The following BRD4 variants were observed in gnomAD, a reference collection of about 807,000 sequenced individuals.
BRD4 encodes bromodomain containing 4.
Under a neutral mutation model 142.1 loss-of-function variants are expected in BRD4, and 16 were observed. The ratio of observed to expected loss-of-function variants is 0.11; its 90% confidence interval spans 0.08 to 0.17. The LOEUF (loss-of-function observed/expected upper bound fraction) is 0.17. BRD4 is among the 10% of genes least tolerant of loss of function. The pLI is 1.00. For missense variants in BRD4, 1,424 were observed against 1,810.9 expected (o/e 0.79, Z 3.88); for synonymous variants, 833 against 707.5 (o/e 1.18, Z -2.82).
intron 1 of BRD4, among the ~76,000 whole-genome samples, chr19:15,297,121 CG>C (rs1428911395): frequency 6.6e-6 from 1 of 152,184 alleles, no homozygotes; most frequent in Admixed American, 6.5e-5. Context: ...AACAGATAGA[CG>C]TTTAAAAGTT....
intron 1 of BRD4, among the ~76,000 whole-genome samples, chr19:15,304,060 T>C (rs2047893396): frequency 6.6e-6 from 1 of 152,114 alleles, no homozygotes; most frequent in Non-Finnish European, 1.5e-5. Context: ...CAGTGAAGGA[T>C]TACCTTCATT....
At chr19:15,267,586 C>T (rs753928876) in intron 3 of BRD4, 35 bp from the exon 4 acceptor site, 4 of 1,603,822 alleles carry the variant, frequency 2.5e-6, no homozygotes, top group South Asian at 2.2e-5. Context: ...AGTCAGAGGG[C>T]CCTCCCCTCC....
chr19:15,318,782 G>T (rs899546998), intron 1 of BRD4, among the ~76,000 whole-genome samples: 1 of 151,920 alleles, frequency 6.6e-6, no homozygotes, highest in African/African-American at 2.4e-5. Flanking sequence ...TCAGTGTAGA[G>T]CCCTAGTTCC....
At chr19:15,310,420 G>A (rs1227122417) in intron 1 of BRD4, among the ~76,000 whole-genome samples, 1 of 136,064 alleles carries the variant, frequency 7.3e-6, no homozygotes, top group African/African-American at 2.8e-5. Flanking sequence ...GAGTGCAGTG[G>A]CGCGATCTAG....
At chr19:15,248,898 G>T (rs1245198464) in intron 11 of BRD4, 1 of 346,532 alleles carries the variant, frequency 2.9e-6, no homozygotes, top group Non-Finnish European at 5.4e-6. Context: ...GGGACAAAGA[G>T]AGAAAACATA....
At chr19:15,272,761 A>C in intron 2 of BRD4, 54 bp downstream of exon 2, 1 of 1,538,736 alleles carries the variant, frequency 6.5e-7, no homozygotes, top group East Asian at 2.3e-5. Flanking sequence ...ACCAGGAGAC[A>C]TGCAGGAGAC....
At chr19:15,291,906 C>T (rs757465106) in intron 1 of BRD4, among the ~76,000 whole-genome samples, 7 of 152,142 alleles carry the variant, frequency 4.6e-5, no homozygotes, top group South Asian at 2.1e-4. Flanking sequence ...CTGAGTCAAA[C>T]GAAGGTTCAG....
At chr19:15,244,815 T>C in intron 11 of BRD4, 53 bp from the exon 12 acceptor site, 3 of 1,612,134 alleles carry the variant, frequency 1.9e-6, no homozygotes, top group South Asian at 1.1e-5. Flanking sequence ...GTGAGTGAGC[T>C]GGCCTTGGAT....
chr19:15,323,497 T>C (rs535534837), intron 1 of BRD4, among the ~76,000 whole-genome samples: 1 of 152,302 alleles, frequency 6.6e-6, no homozygotes, highest in East Asian at 1.9e-4. Flanking sequence ...TTTTCAAGTA[T>C]GAAGTCCCCA....
intron 8 of BRD4, 55 bp from the exon 9 acceptor site, chr19:15,256,318 C>T: frequency 6.3e-7 from 1 of 1,578,860 alleles, no homozygotes. Context: ...CTTCCTGTCA[C>T]CCAAGACCCA....
At chr19:15,262,800 C>A (rs2047487601) in intron 7 of BRD4, among the ~76,000 whole-genome samples, 1 of 152,060 alleles carries the variant, frequency 6.6e-6, no homozygotes, top group African/African-American at 2.4e-5. Flanking sequence ...AAATTTTTAA[C>A]CCAATCTTAT....
chr19:15,330,269 G>A (rs1003669564), intron 1 of BRD4, among the ~76,000 whole-genome samples: 3 of 152,152 alleles, frequency 2.0e-5, no homozygotes, highest in Admixed American at 6.5e-5. Context: ...AAAGAGGTAT[G>A]GTGGATAACA....
chr19:15,239,539 C>T lies in BRD4; in HGVS notation c.3446-17G>A, dbSNP rs1347205051. 9 of 1,604,086 alleles carry T rather than the reference C, an allele frequency of 5.6e-6. No individual in the cohort carries two copies. The highest frequency in any genetic ancestry group is 2.7e-5 in the African/African-American group (2 of 74,710). On this transcript the variant is annotated splice_polypyrimidine_tract_variant and intron_variant, in intron 16 of 19. Transcript: ENST00000679869. The surrounding 1 kb of genome is among the most constrained non-coding windows in gnomAD (Gnocchi z 7.4). ...TTTCCGGCCCTGGAACATAAACAGC[C>T]GGTGGGCCCTGGCCCACCTCACCCC...
At chr19:15,285,316 T>C (rs2047731712) in intron 1 of BRD4, among the ~76,000 whole-genome samples, 1 of 152,196 alleles carries the variant, frequency 6.6e-6, no homozygotes, top group Admixed American at 6.5e-5. Flanking sequence ...ACCTTTCTAC[T>C]AAAAATCTGA....
chr19:15,263,051 C>T (rs2047491040), intron 7 of BRD4, among the ~76,000 whole-genome samples: 1 of 152,154 alleles, frequency 6.6e-6, no homozygotes, highest in Non-Finnish European at 1.5e-5. Context: ...GTCCACAGTG[C>T]AGATGTCCTC....
intron 1 of BRD4, among the ~76,000 whole-genome samples, chr19:15,326,300 T>TA: frequency 6.6e-6 from 1 of 151,532 alleles, no homozygotes; most frequent in East Asian, 1.9e-4. Context: ...CCATCTCTAT[T>TA]AAAACTACAA....
intron 1 of BRD4, among the ~76,000 whole-genome samples, chr19:15,291,283 G>A (rs2047780426): frequency 6.6e-6 from 1 of 152,130 alleles, no homozygotes; most frequent in South Asian, 2.1e-4. Flanking sequence ...AATTTTCCTG[G>A]TTTAGGTGAA....
intron 9 of BRD4, 82 bp downstream of exon 9, chr19:15,255,982 G>A: frequency 6.4e-7 from 1 of 1,559,080 alleles, no homozygotes; most frequent in Non-Finnish European, 8.7e-7. Context: ...AATGAGGACA[G>A]GGAGGGGCAG....
intron 1 of BRD4, among the ~76,000 whole-genome samples, chr19:15,306,051 T>A (rs1242127677): frequency 6.6e-6 from 1 of 152,234 alleles, no homozygotes; most frequent in East Asian, 1.9e-4. Context: ...ACTACGGCCT[T>A]GCTAGATTAG....
Sources: allele counts gnomAD v4.1 joint callset (sites outside exome capture counted in the v4.1 genomes callset), GRCh38; gene constraint gnomAD v4.1.1; non-coding constraint Gnocchi (gnomAD v3.1); transcripts MANE v1.5; gene names NCBI Gene and HGNC (gene_info 2026-07-23, HGNC 2026-07-21).